The following TBC1D4 variants were observed in gnomAD, a reference collection of about 807,000 sequenced individuals.
TBC1D4 encodes TBC1 domain family member 4, also known as TBC (Tre-2, BUB2, CDC16) domain-containing protein.
Under a neutral mutation model 142.5 loss-of-function variants are expected in TBC1D4, and 121 were observed. The observed-to-expected ratio is 0.85, with a 90% CI of 0.73 to 0.99. The LOEUF (loss-of-function observed/expected upper bound fraction) is 0.99. Ranked by LOEUF, TBC1D4 falls within the 50% of genes least tolerant of loss-of-function variation. The pLI is 0.00. For synonymous variants in TBC1D4, 630 were observed against 628.2 expected, an observed-to-expected ratio of 1.00 and a Z score of -0.04; for missense variants, 1,475 against 1,606.6, an observed-to-expected ratio of 0.92 and a Z score of 1.40.
intron 1 of TBC1D4, among the ~76,000 whole-genome samples, chr13:75,426,954 T>C (rs1163549287): frequency 6.6e-6 from 1 of 150,636 alleles, no homozygotes; most frequent in Non-Finnish European, 1.5e-5. Context: ...GAGGCTGAGG[T>C]GGGATGACTG....
chr13:75,300,524 A>G (rs1255642822), intron 16 of TBC1D4, among the ~76,000 whole-genome samples: 1 of 152,032 alleles, frequency 6.6e-6, no homozygotes, highest in African/African-American at 2.4e-5. Flanking sequence ...TTTTTTTTCT[A>G]GGAACCAATA....
intron 1 of TBC1D4, among the ~76,000 whole-genome samples, chr13:75,418,987 A>G (rs1886042434): frequency 6.6e-6 from 1 of 152,172 alleles, no homozygotes; most frequent in Non-Finnish European, 1.5e-5. Context: ...CTTGGGTGCC[A>G]TAACTCCAAA....
chr13:75,350,104 C>T (rs543300347), intron 4 of TBC1D4, among the ~76,000 whole-genome samples: 54 of 152,304 alleles, frequency 3.5e-4, no homozygotes, highest in African/African-American at 1.2e-3. Flanking sequence ...ATCTCCTTTT[C>T]TGGAAACAAT....
chr13:75,440,510 G>A (rs981948130), intron 1 of TBC1D4, among the ~76,000 whole-genome samples: 1 of 151,976 alleles, frequency 6.6e-6, no homozygotes, highest in Non-Finnish European at 1.5e-5. Context: ...GGAACCAATT[G>A]TTAAGGGCCC....
intron 7 of TBC1D4, 36 bp downstream of exon 7, chr13:75,341,089 C>T: frequency 6.3e-7 from 1 of 1,582,432 alleles, no homozygotes; most frequent in Non-Finnish European, 8.7e-7. Context: ...TATTAAACAA[C>T]AACAAAAGTA....
At chr13:75,305,219 C>T (rs761171899) in intron 15 of TBC1D4, among the ~76,000 whole-genome samples, 1 of 152,158 alleles carries the variant, frequency 6.6e-6, no homozygotes, top group Non-Finnish European at 1.5e-5. Flanking sequence ...TCCCCAGACA[C>T]GTGGAACTGT....
chr13:75,294,762 G>T, intron 18 of TBC1D4, 92 bp downstream of exon 18: 1 of 1,400,806 alleles, frequency 7.1e-7, no homozygotes, highest in South Asian at 1.2e-5. Context: ...TATAACACAT[G>T]ATAGAACAAT....
intron 12 of TBC1D4, among the ~76,000 whole-genome samples, chr13:75,317,678 A>G (rs1878427736): frequency 1.3e-5 from 2 of 152,234 alleles, no homozygotes; most frequent in South Asian, 4.1e-4. Context: ...ATATTCAGGA[A>G]AAGTATTCTG....
chr13:75,421,124 T>G lies in TBC1D4; in HGVS notation c.499-58517A>C, dbSNP rs191356721. On this transcript the variant is annotated intron_variant, in intron 1 of 20. Transcript: ENST00000377636. The stretch of plus-strand genomic sequence containing the variant: ...CTACATTTGCTTTCCTAGTTTCTTT[T>G]GGAGAAATGATAAATAGGGGAACAG... Among the ~76,000 whole-genome samples, 19 of 152,334 alleles carry G rather than the reference T, an allele frequency of 1.2e-4. No homozygotes were observed. In the East Asian group the frequency reaches 3.1e-3, roughly 25 times the overall value.
intron 1 of TBC1D4, among the ~76,000 whole-genome samples, chr13:75,426,003 A>G (rs1013193239): frequency 6.6e-6 from 1 of 152,216 alleles, no homozygotes; most frequent in African/African-American, 2.4e-5. Context: ...GAGGTAATGC[A>G]TATCTTAAAT....
At chr13:75,402,007 T>C (rs1885116865) in intron 1 of TBC1D4, among the ~76,000 whole-genome samples, 1 of 152,130 alleles carries the variant, frequency 6.6e-6, no homozygotes, top group South Asian at 2.1e-4. Context: ...TCCTGAAACA[T>C]GTAGATCTTG....
At chr13:75,385,490 G>T (rs186651718) in intron 1 of TBC1D4, among the ~76,000 whole-genome samples, 1 of 152,212 alleles carries the variant, frequency 6.6e-6, no homozygotes, top group Non-Finnish European at 1.5e-5. Flanking sequence ...AATTAAGAGT[G>T]TCACCTGAAA....
intron 14 of TBC1D4, among the ~76,000 whole-genome samples, chr13:75,307,544 C>T (rs1474222755): frequency 6.6e-6 from 1 of 152,170 alleles, no homozygotes; most frequent in Non-Finnish European, 1.5e-5. Context: ...AATCTGTATT[C>T]ATGCATGCTC....
rs1345766063 is a variant in TBC1D4 at position 75,404,063 on chromosome 13, T to TACACACAC, written c.499-41464_499-41457dup. On this transcript the variant is annotated intron_variant, in intron 1 of 20. Coordinates refer to ENST00000377636, the MANE Select transcript of TBC1D4 (RefSeq NM_014832.5). ...CTTTTGTAGGGGGGATATATATACA[T>TACACACAC]ACACACACACACACACACACACACA... 3.9e-3 allele frequency among the ~76,000 whole-genome samples: 581 copies of TACACACAC among 149,048 alleles called. 4 individuals carry two copies. The highest frequency in any genetic ancestry group is 0.013 in the African/African-American group (504 of 39,442).
At chr13:75,427,208 C>T (rs937791529) in intron 1 of TBC1D4, among the ~76,000 whole-genome samples, 1 of 152,136 alleles carries the variant, frequency 6.6e-6, no homozygotes, top group Non-Finnish European at 1.5e-5. Flanking sequence ...CTGCCTCAGC[C>T]TCCCGAGTAG....
intron 1 of TBC1D4, among the ~76,000 whole-genome samples, chr13:75,456,716 A>C (rs1039693821): frequency 6.6e-6 from 1 of 150,430 alleles, no homozygotes; most frequent in African/African-American, 2.5e-5. Context: ...AAACTGGTCC[A>C]ACACTCTGGA....
chr13:75,294,837 T>C lies in TBC1D4; in HGVS notation c.3316+17A>G, dbSNP rs755272386. On this transcript the variant is annotated intron_variant, in intron 18 of 20. Coordinates refer to ENST00000377636, the MANE Select transcript of TBC1D4 (RefSeq NM_014832.5). ...GAATAAATAATACTGTTCCATTTAA[T>C]TACAGGTATCTCTTACCAAAAACTC... 3.9e-5 allele frequency: 63 copies of C among 1,611,956 alleles called. 1 individual carries two copies. The Admixed American group carries it at 1.0e-3, about 26-fold the overall frequency.
intron 1 of TBC1D4, among the ~76,000 whole-genome samples, chr13:75,373,091 G>C (rs1883306729): frequency 6.6e-6 from 1 of 152,196 alleles, no homozygotes; most frequent in South Asian, 2.1e-4. Flanking sequence ...AGTGGGCCTT[G>C]GAAAAGGAGG....
At chr13:75,373,937 A>C (rs908373698) in intron 1 of TBC1D4, among the ~76,000 whole-genome samples, 45 of 152,134 alleles carry the variant, frequency 3.0e-4, no homozygotes, top group African/African-American at 1.1e-3. Context: ...AAACAACAAA[A>C]CTTTCTTTTC....
Sources: gnomAD v4.1 joint callset for allele counts (sites outside exome capture counted in the v4.1 genomes callset) on GRCh38, gnomAD v4.1.1 for gene constraint, MANE v1.5 for transcripts, NCBI Gene and HGNC (gene_info 2026-07-23, HGNC 2026-07-21) for gene names.